The following RCL1 variants were observed in gnomAD, a reference collection of about 807,000 sequenced individuals.
The protein encoded by RCL1 is RNA terminal phosphate cyclase like 1.
Under a neutral mutation model 42.4 loss-of-function variants are expected in RCL1, and 24 were observed. The observed-to-expected ratio is 0.57, with a 90% CI of 0.41 to 0.80. RCL1 has a LOEUF of 0.80. Ranked by LOEUF, RCL1 falls within the 30% of genes least tolerant of loss-of-function variation. The pLI is 0.00. For missense variants in RCL1, 578 were observed against 467.9 expected, an observed-to-expected ratio of 1.24 and a Z score of -2.17; for synonymous variants, 228 against 177.3, an observed-to-expected ratio of 1.29 and a Z score of -2.27.
intron 3 of RCL1, among the ~76,000 whole-genome samples, chr9:4,830,391 C>T (rs774340114): frequency 5.9e-5 from 9 of 151,978 alleles, no homozygotes; most frequent in Non-Finnish European, 1.2e-4. Flanking sequence ...GGGTCCTTGC[C>T]GAAGTCCAGA....
intron 1 of RCL1, among the ~76,000 whole-genome samples, chr9:4,815,291 A>G (rs1016513629): frequency 6.6e-6 from 1 of 151,896 alleles, no homozygotes; most frequent in Non-Finnish European, 1.5e-5. Context: ...AGGTGTTCTC[A>G]TTTCATTTTC....
chr9:4,812,085 T>G (rs1816199013), intron 1 of RCL1, among the ~76,000 whole-genome samples: 1 of 152,238 alleles, frequency 6.6e-6, no homozygotes, highest in African/African-American at 2.4e-5. Context: ...CCTTGTATAT[T>G]CTGGTTATTA....
rs753662220 is a variant in RCL1 at position 4,793,130 on chromosome 9, C to T, written c.39C>T (p.Cys13=). 6.8e-6 allele frequency: 11 copies of T among 1,611,958 alleles called. No homozygotes were observed. In the South Asian group the frequency reaches 1.2e-4, roughly 18 times the overall value. The change falls in exon 1 of 9, where the codon TGC becomes TGT. Residue 13 remains cysteine, a synonymous_variant. Transcript: ENST00000381750. ...CGCACTCCCTCAGCTACGCAGGGTGCAACTTCTTGCGCCAACGTCTGGTCC... is the reference window on the plus strand; with the variant it reads ...CGCACTCCCTCAGCTACGCAGGGTGTAACTTCTTGCGCCAACGTCTGGTCC... The part of the protein sequence containing the change: ...TQAHSLSYAG[C]NFLRQRLVLS...
intron 3 of RCL1, among the ~76,000 whole-genome samples, chr9:4,832,213 C>T (rs1467453273): frequency 6.6e-6 from 1 of 152,212 alleles, no homozygotes; most frequent in African/African-American, 2.4e-5. Context: ...ATAACAGTTA[C>T]ACGTGGCAAA....
chr9:4,833,310 G>T (rs1817013420), intron 4 of RCL1, 82 bp downstream of exon 4: 3 of 992,660 alleles, frequency 3.0e-6, no homozygotes, highest in Non-Finnish European at 4.8e-6. Context: ...GTGTGACTCA[G>T]TGTATGTGTG....
At chr9:4,794,745 A>G (rs775971331) in intron 1 of RCL1, among the ~76,000 whole-genome samples, 1 of 151,992 alleles carries the variant, frequency 6.6e-6, no homozygotes, top group African/African-American at 2.4e-5. Flanking sequence ...GTGGCCTCCA[A>G]TTTAATATTT....
chr9:4,814,900 GT>G (rs529358976), intron 1 of RCL1, among the ~76,000 whole-genome samples: 2 of 148,384 alleles, frequency 1.3e-5, no homozygotes, highest in Non-Finnish European at 1.5e-5. Flanking sequence ...TTTGGTTGAC[GT>G]TTTTTTTTTC....
chr9:4,796,755 T>G (rs761866163), intron 1 of RCL1, among the ~76,000 whole-genome samples: 4 of 152,152 alleles, frequency 2.6e-5, no homozygotes, highest in Non-Finnish European at 5.9e-5. Flanking sequence ...TATACCACAT[T>G]TTCTTTATCT....
intron 7 of RCL1, among the ~76,000 whole-genome samples, chr9:4,848,114 T>TTTA (rs1817584025): frequency 1.3e-5 from 2 of 152,238 alleles, no homozygotes; most frequent in Admixed American, 1.3e-4. Flanking sequence ...GAGAACACTT[T>TTTA]AATTTTAGGC....
rs1818129269 is a variant in RCL1, at chr9:4,860,309, G to C, written c.*34G>C. 1.9e-6 allele frequency: 3 copies of C among 1,601,640 alleles called. No homozygotes were observed. The African/African-American group carries it at 4.0e-5, about 22-fold the overall frequency. ...ACAAGATAAGGCCCCAATGCCTACA[G>C]ACAAAGCAGAAGCTGCCACGGACAC... is the stretch of plus-strand genomic sequence containing the variant. On this transcript the variant is annotated 3_prime_UTR_variant, in exon 9 of 9. Transcript: ENST00000381750.
At chr9:4,826,768 G>T in intron 2 of RCL1, 90 bp from the exon 3 acceptor site, 1 of 1,172,288 alleles carries the variant, frequency 8.5e-7, no homozygotes. Context: ...CCCTTGTCAG[G>T]CTTTCCCCTT....
rs759042270 is a variant in RCL1, at chr9:4,823,533, T to G, written c.137-15T>G. 1 of 1,603,210 alleles carries G rather than the reference T, an allele frequency of 6.2e-7. No individual in the cohort carries two copies. Among genetic ancestry groups the G allele is most frequent in the Non-Finnish European group, 8.5e-7 (1 of 1,173,512 alleles). ...TCTGTCTTCTCTTTTCTTCACAGAT[T>G]TTTTTTCTTCACAGATTTTGAAGCC... On this transcript the variant is annotated splice_polypyrimidine_tract_variant and intron_variant, in intron 1 of 8. Coordinates refer to ENST00000381750, the MANE Select transcript of RCL1 (RefSeq NM_005772.5).
At chr9:4,799,911 A>G (rs769938882) in intron 1 of RCL1, among the ~76,000 whole-genome samples, 18 of 152,180 alleles carry the variant, frequency 1.2e-4, no homozygotes, top group Non-Finnish European at 1.3e-4. Flanking sequence ...CATGGTGACT[A>G]TCATCAAAAG....
chr9:4,838,986 T>A (rs1019795902), intron 5 of RCL1, among the ~76,000 whole-genome samples: 2 of 152,250 alleles, frequency 1.3e-5, no homozygotes, highest in Admixed American at 1.3e-4. Context: ...AGGAAAGTGT[T>A]ATGATTATCC....
chr9:4,838,410 T>A (rs1222282548), intron 5 of RCL1, among the ~76,000 whole-genome samples: 5 of 152,208 alleles, frequency 3.3e-5, no homozygotes, highest in Non-Finnish European at 5.9e-5. Context: ...GAAAGGAACA[T>A]TCTGTTTTAG....
intron 1 of RCL1, among the ~76,000 whole-genome samples, chr9:4,802,684 A>T (rs1029314449): frequency 2.0e-5 from 3 of 152,198 alleles, no homozygotes; most frequent in African/African-American, 7.2e-5. Flanking sequence ...AATTTTTATT[A>T]CATATTTATT....
chr9:4,827,665 A>G (rs1203501502), intron 3 of RCL1, among the ~76,000 whole-genome samples: 1 of 151,474 alleles, frequency 6.6e-6, no homozygotes, highest in African/African-American at 2.4e-5. Flanking sequence ...ATATGGGGAG[A>G]ATGGTTTAAT....
chr9:4,819,736 G>C (rs1255543819), intron 1 of RCL1, among the ~76,000 whole-genome samples: 1 of 152,208 alleles, frequency 6.6e-6, no homozygotes, highest in Non-Finnish European at 1.5e-5. Context: ...GAACCCGGGA[G>C]GCGGAGGTTG....
chr9:4,806,916 C>T (rs537560505), intron 1 of RCL1, among the ~76,000 whole-genome samples: 1 of 152,164 alleles, frequency 6.6e-6, no homozygotes, highest in South Asian at 2.1e-4. Flanking sequence ...CATTTCATTT[C>T]CTGAATGTTT....
Sources: gnomAD v4.1 joint callset for allele counts (sites outside exome capture counted in the v4.1 genomes callset) on GRCh38, gnomAD v4.1.1 for gene constraint, MANE v1.5 for transcripts, NCBI Gene and HGNC (gene_info 2026-07-23, HGNC 2026-07-21) for gene names.